Variants in TRIP12 observed in about 807,000 individuals in gnomAD.
TRIP12 encodes thyroid hormone receptor interactor 12.
TRIP12 carries 25 observed loss-of-function variants against 244.2 expected under a neutral mutation model. That is an observed-to-expected ratio of 0.10 (90% CI 0.07 to 0.14). TRIP12 has a LOEUF of 0.14. Ranked by LOEUF, TRIP12 falls within the 10% of genes least tolerant of loss-of-function variation. The pLI is 1.00. For missense variants in TRIP12, 1,677 were observed against 2,486.4 expected (o/e 0.67, Z 6.92); for synonymous variants, 905 against 873.1 (o/e 1.04, Z -0.64).
intron 1 of TRIP12, among the ~76,000 whole-genome samples, chr2:229,905,605 G>A (rs1375882811): frequency 1.3e-5 from 2 of 152,212 alleles, no homozygotes; most frequent in East Asian, 1.9e-4. Flanking sequence ...TGAGAATAAC[G>A]AATATACTTT....
chr2:229,852,125 A>G (rs1285251005), intron 4 of TRIP12, among the ~76,000 whole-genome samples: 2 of 152,236 alleles, frequency 1.3e-5, no homozygotes, highest in African/African-American at 4.8e-5. Flanking sequence ...CAAAGTCACC[A>G]GGAGAATATG....
chr2:229,871,223 GGAAAGAAAAGAA>G (rs377373501), intron 2 of TRIP12, among the ~76,000 whole-genome samples: 102 of 151,974 alleles, frequency 6.7e-4, no homozygotes, highest in African/African-American at 1.2e-3. Context: ...GGACCGGAAA[GGAAAGAAAAGAA>G]GAAAGAAAAG....
At position 229,860,524 on chromosome 2, in the gene TRIP12, A is replaced by T. The variant is rs745359807; in HGVS notation, c.106T>A (p.Leu36Ile). 3.1e-6 allele frequency: 5 copies of T among 1,598,352 alleles called. No homozygotes were observed. The South Asian group carries it at 5.7e-5, about 18-fold the overall frequency. The change falls in exon 3 of 42, where the codon TTA (leucine) becomes ATA (isoleucine). Residue 36 changes from leucine (L) to isoleucine (I), a missense_variant. Transcript: ENST00000675903. ...QDDSIGGRSH[L>I]GQAKHKGYSP... is the part of the protein sequence containing the mutation. Reference sequence around the variant, plus strand: ...TATCCCTTATGTTTTGCCTGCCCTAAATGTGACCTGTCAGCAGAAAATCAA... The same window carrying T: ...TATCCCTTATGTTTTGCCTGCCCTATATGTGACCTGTCAGCAGAAAATCAA...
chr2:229,919,117 T>G (rs1392010047), intron 1 of TRIP12, among the ~76,000 whole-genome samples: 1 of 152,148 alleles, frequency 6.6e-6, no homozygotes, highest in African/African-American at 2.4e-5. Context: ...TACAATAATC[T>G]TACAAGTTAC....
chr2:229,893,471 C>T (rs1027635424), intron 1 of TRIP12, among the ~76,000 whole-genome samples: 6 of 148,974 alleles, frequency 4.0e-5, no homozygotes, highest in African/African-American at 1.5e-4. Flanking sequence ...CTTCACCTCC[C>T]AACTCTGCAA....
rs983238603 is a variant in TRIP12 at position 229,773,255 on chromosome 2, T to C, written c.5694+842A>G. On this transcript the variant is annotated intron_variant, in intron 38 of 41. Transcript: ENST00000675903. ...CACACCTGGCTAATTTTTGTATTTT[T>C]AGTAGAGATGGGGTTTCACTATGTT... Among the ~76,000 whole-genome samples, 7 of 152,090 alleles carry C rather than the reference T, an allele frequency of 4.6e-5. No individual in the cohort carries two copies. In the South Asian group the frequency reaches 8.3e-4, roughly 18 times the overall value.
chr2:229,814,000 T>C lies in TRIP12; in HGVS notation c.1856A>G (p.Glu619Gly). The C allele has an allele frequency of 6.3e-7, 1 of 1,584,886 alleles. No individual in the cohort carries two copies. Among genetic ancestry groups the C allele is most frequent in the Non-Finnish European group, 8.6e-7 (1 of 1,156,852 alleles). The change falls in exon 13 of 42, where the codon GAA (glutamate) becomes GGA (glycine). Residue 619 changes from glutamate (E) to glycine (G), a missense_variant. Coordinates refer to ENST00000675903, the MANE Select transcript of TRIP12 (RefSeq NM_001348323.3). ...TCTTTGGGCATTTATGCTGAAGAATTCTAGGTACAGCAAGCAGTCTGCCAA... is the reference window on the plus strand; with the variant it reads ...TCTTTGGGCATTTATGCTGAAGAATCCTAGGTACAGCAAGCAGTCTGCCAA... ...GGLADCLLYL[E>G]FFSINAQRNA...
chr2:229,792,628 G>C (rs551172644), intron 27 of TRIP12, among the ~76,000 whole-genome samples: 3 of 152,114 alleles, frequency 2.0e-5, no homozygotes, highest in African/African-American at 7.2e-5. Flanking sequence ...TCAGATTCTG[G>C]AGCGTTTTGC....
intron 6 of TRIP12, among the ~76,000 whole-genome samples, chr2:229,831,902 T>A (rs1460330928): frequency 8.7e-5 from 13 of 149,802 alleles, no homozygotes; most frequent in African/African-American, 3.2e-4. Context: ...TTTTTTTTTT[T>A]AACACAGATG....
rs766531778 is a variant in TRIP12 at position 229,787,649 on chromosome 2, A to C, written c.4851T>G (p.Phe1617Leu). The C allele has an allele frequency of 6.2e-7, 1 of 1,605,704 alleles. No homozygotes were observed. Among genetic ancestry groups the C allele is most frequent in the Admixed American group, 1.7e-5 (1 of 58,896 alleles). The change falls in exon 33 of 42, where the codon TTT becomes TTG. Residue 1617 changes from phenylalanine to leucine, a missense_variant. Physicochemically the swap from Phe to Leu is conservative, Grantham distance 22. Coordinates refer to ENST00000675903, the MANE Select transcript of TRIP12 (RefSeq NM_001348323.3). ...AAAGCATTTGCCGGGTATCAAAAGGAAAGAAAAATGGGCTGTAAAAAGATG... is the reference window on the plus strand; with the variant it reads ...AAAGCATTTGCCGGGTATCAAAAGGCAAGAAAAATGGGCTGTAAAAAGATG... Reference protein sequence around the residue: ...TELGKTCPFFFPFDTRQMLFY... With the variant: ...TELGKTCPFFLPFDTRQMLFY...
intron 6 of TRIP12, among the ~76,000 whole-genome samples, chr2:229,832,318 T>C (rs532574708): frequency 3.8e-4 from 58 of 152,248 alleles, no homozygotes; most frequent in Non-Finnish European, 2.5e-4. Context: ...TTTCACGCTA[T>C]AATTACAGAA....
intron 16 of TRIP12, 69 bp downstream of exon 16, chr2:229,808,183 G>A (rs1250403065): frequency 2.6e-6 from 3 of 1,136,452 alleles, no homozygotes; most frequent in African/African-American, 3.1e-5. Flanking sequence ...GGCCAGGCTG[G>A]TCTCGAACTC....
intron 36 of TRIP12, among the ~76,000 whole-genome samples, chr2:229,777,850 T>TA (rs1467985986): frequency 2.6e-5 from 4 of 152,202 alleles, no homozygotes; most frequent in Admixed American, 2.6e-4. Context: ...GTCTTAAACA[T>TA]ACTGATAAAG....
intron 6 of TRIP12, among the ~76,000 whole-genome samples, chr2:229,833,842 AC>A (rs1456536617): frequency 6.6e-6 from 1 of 152,122 alleles, no homozygotes; most frequent in Non-Finnish European, 1.5e-5. Flanking sequence ...CAAAAAAAAA[AC>A]AAAAAAACTA....
Position 229,813,881 on chromosome 2 carries a change from G to T in TRIP12, c.1975C>A (p.Leu659Ile). Residue 659 changes from leucine (L) to isoleucine (I), a missense_variant, in exon 13 of 42, where the codon CTA becomes ATA. Transcript: ENST00000675903. ...ADSLPLLTQR[L>I]THQDKKSVES... ...GATGCATATTTTACCTGATGTGTTAGCCTTTGGGTTAGCAATGGGAGTGAA... is the reference window on the plus strand; with the variant it reads ...GATGCATATTTTACCTGATGTGTTATCCTTTGGGTTAGCAATGGGAGTGAA... 3 of 1,550,068 alleles carry T rather than the reference G, an allele frequency of 1.9e-6. No homozygotes were observed. In the Admixed American group the frequency reaches 5.0e-5, roughly 26 times the overall value.
chr2:229,860,892 A>G (rs2060371571), intron 2 of TRIP12, among the ~76,000 whole-genome samples: 1 of 152,206 alleles, frequency 6.6e-6, no homozygotes, highest in Admixed American at 6.5e-5. Flanking sequence ...ATCTAAACAC[A>G]CTTTTAATAC....
At chr2:229,867,097 G>GTTTTTTTT (rs11432903) in intron 2 of TRIP12, among the ~76,000 whole-genome samples, 1 of 134,228 alleles carries the variant, frequency 7.5e-6, no homozygotes, top group Non-Finnish European at 1.6e-5. Context: ...CACATAGAGG[G>GTTTTTTTT]TTTTTTTTTT....
chr2:229,791,329 C>G (rs1350136022), intron 29 of TRIP12, 78 bp from the exon 30 acceptor site: 28 of 1,487,896 alleles, frequency 1.9e-5, no homozygotes, highest in Non-Finnish European at 2.4e-5. Flanking sequence ...CCACAGACAC[C>G]ACAGTTACCA....
intron 2 of TRIP12, among the ~76,000 whole-genome samples, chr2:229,861,375 C>T (rs2060455191): frequency 6.6e-6 from 1 of 152,144 alleles, no homozygotes; most frequent in Non-Finnish European, 1.5e-5. Flanking sequence ...AAAACAAACA[C>T]ATGTTGATAT....
Sources: allele counts gnomAD v4.1 joint callset (sites outside exome capture counted in the v4.1 genomes callset), GRCh38; gene constraint gnomAD v4.1.1; transcripts MANE v1.5; gene names NCBI Gene and HGNC (gene_info 2026-07-23, HGNC 2026-07-21).